TNFAIP6: variants seen among roughly 807,000 people sequenced by gnomAD.
TNFAIP6 encodes the protein tumor necrosis factor-inducible gene 6 protein.
In TNFAIP6, 36 loss-of-function variants were observed where a neutral mutation model predicts 33.7. That is an observed-to-expected ratio of 1.07 (90% confidence interval 0.82 to 1.41). TNFAIP6 has a LOEUF of 1.41. Ranked by LOEUF, TNFAIP6 falls within the 40% of genes most tolerant of loss-of-function variation. The pLI, the probability that TNFAIP6 is intolerant of heterozygous loss-of-function variation, is 0.00. For missense variants in TNFAIP6, 273 were observed against 331.9 expected (o/e 0.82, Z 1.38); for synonymous variants, 113 against 112.8 (o/e 1.00, Z -0.01).
chr2:151,380,747 T>C (rs560837393), downstream of TNFAIP6, among the ~76,000 whole-genome samples: 7 of 152,294 alleles, frequency 4.6e-5, no homozygotes, highest in Admixed American at 1.3e-4. Context: ...TTGGCTATTA[T>C]CTCTCTGTGG....
chr2:151,378,211 G>A (rs11889610), intron 5 of TNFAIP6, among the ~76,000 whole-genome samples: 20,359 of 151,998 alleles, frequency 0.13, 1,475 homozygotes, highest in African/African-American at 0.16. Flanking sequence ...CAAACAAAAA[G>A]AAGGCCTTTG....
rs576701359 is a variant in TNFAIP6, at chr2:151,367,748, G to A, written c.394+1531G>A. Among the ~76,000 whole-genome samples the A allele has an allele frequency of 8.5e-5, 13 of 152,072 alleles. 1 individual carries two copies. The East Asian group carries it at 2.1e-3, about 25-fold the overall frequency. ...ACCCAATTCTCAGTGCATTTAGCTC[G>A]CTTTTGGATTTGGTGGTATGCTGAC... On this transcript the variant is annotated intron_variant, in intron 3 of 5. Coordinates refer to ENST00000243347, the MANE Select transcript of TNFAIP6 (RefSeq NM_007115.4).
rs1484241780 is a variant in TNFAIP6 at position 151,371,421 on chromosome 2, G to GA, written c.623+1179dup. Among the ~76,000 whole-genome samples the GA allele has an allele frequency of 6.6e-5, 10 of 152,178 alleles. No individual in the cohort carries two copies. The South Asian group carries it at 8.3e-4, about 13-fold the overall frequency. On this transcript the variant is annotated intron_variant, in intron 4 of 5. Coordinates refer to ENST00000243347, the MANE Select transcript of TNFAIP6 (RefSeq NM_007115.4). ...TTATACATGATAGTAATTTAATGGG[G>GA]AAAAAATTGTAATGGGGACAATTTA...
At chr2:151,377,717 C>T (rs1028456406) in intron 5 of TNFAIP6, among the ~76,000 whole-genome samples, 6 of 152,036 alleles carry the variant, frequency 3.9e-5, no homozygotes, top group Non-Finnish European at 5.9e-5. Context: ...TATTCTTTGG[C>T]GCTTTTGTCT....
At position 151,379,604 on chromosome 2, in the gene TNFAIP6, T is replaced by A. The variant is rs2152020294; in HGVS notation, c.*71T>A. The stretch of plus-strand genomic sequence containing the variant: ...TCTTTTGGAACTCCTTTGATCTCAC[T>A]GTTATTATTAACATTTATTTATTAT... On this transcript the variant is annotated 3_prime_UTR_variant, in exon 6 of 6. Transcript: ENST00000243347. The A allele has an allele frequency of 9.4e-7, 1 of 1,058,282 alleles. No homozygotes were observed. 65.6% of individuals were successfully genotyped at this position (1,058,282 alleles called of 1,614,324 possible).
chr2:151,363,512 AT>A (rs1174738627), intron 1 of TNFAIP6, among the ~76,000 whole-genome samples: 1 of 122,594 alleles, frequency 8.2e-6, no homozygotes, highest in Non-Finnish European at 1.8e-5. Context: ...AAAAAAAAAA[AT>A]TAGCCAGGCG....
Position 151,379,466 on chromosome 2 carries a change from G to GA in TNFAIP6, c.773dup (p.Asn258LysfsTer10), listed in dbSNP as rs759969484. The GA allele has an allele frequency of 1.3e-5, 20 of 1,597,378 alleles. No individual in the cohort carries two copies. The highest frequency in any genetic ancestry group is 1.7e-5 in the Non-Finnish European group (20 of 1,173,520). ...GATCCTGTATCCAAATCCAGTCAAGGAAAAAATACAAGTACTACTTCTACT... is the reference window on the plus strand; with the variant it reads ...GATCCTGTATCCAAATCCAGTCAAGGAAAAAAATACAAGTACTACTTCTACT... On this transcript the variant is annotated frameshift_variant, in exon 6 of 6. Transcript: ENST00000243347. LOFTEE classifies it high-confidence loss of function.
intron 2 of TNFAIP6, among the ~76,000 whole-genome samples, chr2:151,365,094 A>C (rs1445495784): frequency 1.3e-5 from 2 of 152,212 alleles, no homozygotes; most frequent in East Asian, 3.9e-4. Context: ...GCAGTGGTTC[A>C]CACCTGTAAT....
At position 151,370,887 on chromosome 2, in the gene TNFAIP6, A is replaced by G. The variant is rs569517459; in HGVS notation, c.623+639A>G. Among the ~76,000 whole-genome samples, 209 of 152,290 alleles carry G rather than the reference A, an allele frequency of 1.4e-3. 1 individual carries two copies. Among genetic ancestry groups the G allele is most frequent in the Non-Finnish European group, 1.9e-3 (126 of 68,012 alleles). ...GGAGTTCAAGACCAGCCTGGCCAAC[A>G]TGGCAAAACCCTGTTTTTACTAAAA... On this transcript the variant is annotated intron_variant, in intron 4 of 5. Transcript: ENST00000243347.
At chr2:151,376,562 C>T (rs570319248) in intron 5 of TNFAIP6, among the ~76,000 whole-genome samples, 1 of 152,260 alleles carries the variant, frequency 6.6e-6, no homozygotes, top group African/African-American at 2.4e-5. Flanking sequence ...AGTGACCATC[C>T]TTCCAGATGT....
chr2:151,370,662 C>A (rs558063993), intron 4 of TNFAIP6, among the ~76,000 whole-genome samples: 2 of 152,102 alleles, frequency 1.3e-5, no homozygotes, highest in South Asian at 2.1e-4. Context: ...GTTGTAAGAA[C>A]TAGTTAGTCT....
At chr2:151,375,546 A>C (rs946544649) in intron 5 of TNFAIP6, among the ~76,000 whole-genome samples, 2 of 151,972 alleles carry the variant, frequency 1.3e-5, no homozygotes, top group Non-Finnish European at 1.5e-5. Flanking sequence ...GTCTCTACTA[A>C]AAATACAAAA....
At chr2:151,374,557 C>T (rs1299685998) in intron 5 of TNFAIP6, among the ~76,000 whole-genome samples, 1 of 152,118 alleles carries the variant, frequency 6.6e-6, no homozygotes, top group Non-Finnish European at 1.5e-5. Flanking sequence ...ACTCCCACAC[C>T]CCAGCCTTTC....
At chr2:151,380,811 A>G (rs1324896088), downstream of TNFAIP6, among the ~76,000 whole-genome samples, 1 of 152,190 alleles carries the variant, frequency 6.6e-6, no homozygotes, top group Non-Finnish European at 1.5e-5. Context: ...TGGTGGTGTG[A>G]AACTTTAGCA....
chr2:151,372,496 A>AC (rs1684833992), intron 4 of TNFAIP6, among the ~76,000 whole-genome samples: 1 of 152,224 alleles, frequency 6.6e-6, no homozygotes, highest in South Asian at 2.1e-4. Flanking sequence ...AAATCCTTTT[A>AC]CACCTATAAG....
chr2:151,378,975 C>T (rs968212806), intron 5 of TNFAIP6, among the ~76,000 whole-genome samples: 2 of 151,942 alleles, frequency 1.3e-5, no homozygotes, highest in African/African-American at 4.8e-5. Context: ...TGGTGCGTGC[C>T]TTTAATCCCA....
rs2152020358 is a variant in TNFAIP6, at chr2:151,379,840, C to T, written c.*307C>T. The T allele has an allele frequency of 6.0e-6, 1 of 167,754 alleles. No individual in the cohort carries two copies. The highest frequency in any genetic ancestry group is 1.6e-4 in the East Asian group (1 of 6,134). 10.4% of individuals were successfully genotyped at this position (167,754 alleles called of 1,614,324 possible). ...GCATTTGAAATTTTGGAATCCTGCTCTATGTACAGTTTTGTATTATACTTT... is the reference window on the plus strand; with the variant it reads ...GCATTTGAAATTTTGGAATCCTGCTTTATGTACAGTTTTGTATTATACTTT... On this transcript the variant is annotated 3_prime_UTR_variant, in exon 6 of 6. Coordinates refer to ENST00000243347, the MANE Select transcript of TNFAIP6 (RefSeq NM_007115.4).
rs533829620 is a variant in TNFAIP6, at chr2:151,368,044, A to T, written c.394+1827A>T. Among the ~76,000 whole-genome samples the T allele has an allele frequency of 1.5e-3, 222 of 152,246 alleles. 1 individual carries two copies. Among genetic ancestry groups the T allele is most frequent in the African/African-American group, 4.6e-3 (191 of 41,558 alleles). On this transcript the variant is annotated intron_variant, in intron 3 of 5. Transcript: ENST00000243347. ...TCAATATTTGAATTTTTTCTAATCT[A>T]TTAATATATACAACAAAGATTGGAT...
chr2:151,377,177 T>TC lies in TNFAIP6; in HGVS notation c.665-2186dup, dbSNP rs1491436188. On this transcript the variant is annotated intron_variant, in intron 5 of 5. Transcript: ENST00000243347. ...CATTTTCTTTTCTTTTCTTTTCTTT[T>TC]CTTTTTTTTTGAGAGTGAGTCTCGC... Among the ~76,000 whole-genome samples, 25 of 150,206 alleles carry TC rather than the reference T, an allele frequency of 1.7e-4. No homozygotes were observed. The South Asian group carries it at 5.3e-3, about 32-fold the overall frequency.
Sources: allele counts gnomAD v4.1 joint callset (sites outside exome capture counted in the v4.1 genomes callset), GRCh38; gene constraint gnomAD v4.1.1; transcripts MANE v1.5; gene names NCBI Gene and HGNC (gene_info 2026-07-23, HGNC 2026-07-21).